The following NCOR2 variants were observed in gnomAD, a reference collection of about 807,000 sequenced individuals.
NCOR2 encodes CTG repeat protein 26.
In NCOR2, 81 loss-of-function variants were observed where a neutral mutation model predicts 262.9. That is an observed-to-expected ratio of 0.31 (90% CI 0.26 to 0.37). The LOEUF is 0.37. Among genes scored for constraint, NCOR2 ranks in the 10% least tolerant of loss-of-function variants. The pLI is 1.00. For missense variants in NCOR2, 3,385 were observed against 3,621.4 expected (o/e 0.93, Z 1.68); for synonymous variants, 1,659 against 1,559.3 (o/e 1.06, Z -1.51).
At chr12:124,540,483 G>A (rs1176324220), upstream of NCOR2, among the ~76,000 whole-genome samples, 2 of 17,456 alleles carry the variant, frequency 1.1e-4, no homozygotes, top group African/African-American at 6.8e-4. Flanking sequence ...AGGGGGATGG[G>A]GAGTGGAGCT....
intron 13 of NCOR2, among the ~76,000 whole-genome samples, chr12:124,409,010 C>A (rs981223665): frequency 6.6e-6 from 1 of 152,160 alleles, no homozygotes; most frequent in Non-Finnish European, 1.5e-5. Flanking sequence ...CCATGGCAAC[C>A]GGCACATGCT....
At chr12:124,479,388 C>T (rs926277190) in intron 3 of NCOR2, among the ~76,000 whole-genome samples, 1 of 152,008 alleles carries the variant, frequency 6.6e-6, no homozygotes, top group Admixed American at 6.5e-5. Flanking sequence ...CACACAAACA[C>T]GCATGGACAC....
intron 1 of NCOR2, among the ~76,000 whole-genome samples, chr12:124,546,328 C>T (rs2051542677): frequency 6.6e-6 from 1 of 152,210 alleles, no homozygotes. Flanking sequence ...TGCTTAGCCA[C>T]GGCAGCTTTC....
At chr12:124,427,358 T>C (rs1156615929) in intron 10 of NCOR2, among the ~76,000 whole-genome samples, 1 of 152,160 alleles carries the variant, frequency 6.6e-6, no homozygotes, top group Non-Finnish European at 1.5e-5. Context: ...TGCCCAGCCC[T>C]GCATGCGGCA....
chr12:124,446,338 A>T lies in NCOR2; in HGVS notation c.815+3477T>A, dbSNP rs1250617077. 2.6e-5 allele frequency among the ~76,000 whole-genome samples: 4 copies of T among 152,178 alleles called. No homozygotes were observed. In the East Asian group the frequency reaches 7.7e-4, roughly 29 times the overall value. On this transcript the variant is annotated intron_variant, in intron 7 of 46. Coordinates refer to ENST00000405201, the Ensembl canonical transcript of NCOR2. The stretch of plus-strand genomic sequence containing the variant: ...CACCAAAGTGAACTTTTAAAACAAA[A>T]GTCTGATCACATTGCTTCCTGGGAT...
intron 1 of NCOR2, chr12:124,529,823 G>A (rs549565799): frequency 1.3e-5 from 2 of 152,382 alleles, no homozygotes; most frequent in South Asian, 2.1e-4. Flanking sequence ...AGCAAGTGCT[G>A]ACAAGGATGG....
chr12:124,325,411 G>C, exon 47 of NCOR2: 1 of 592,656 alleles, frequency 1.7e-6, no homozygotes, highest in East Asian at 1.0e-4. Flanking sequence ...GTCACTCGCT[G>C]TCGGAGAGTG....
chr12:124,379,927 C>T (rs2040288842), intron 17 of NCOR2, among the ~76,000 whole-genome samples: 1 of 152,246 alleles, frequency 6.6e-6, no homozygotes, highest in Admixed American at 6.5e-5. Flanking sequence ...CCAGCAGTCG[C>T]TGGAAGACGG....
intron 1 of NCOR2, among the ~76,000 whole-genome samples, chr12:124,506,331 G>A (rs931141180): frequency 6.6e-6 from 1 of 151,574 alleles, no homozygotes; most frequent in East Asian, 2.0e-4. Context: ...TCAGTGAACA[G>A]AAAGGGAAGT....
At chr12:124,560,341 C>T (rs750563731) in intron 1 of NCOR2, among the ~76,000 whole-genome samples, 7 of 152,224 alleles carry the variant, frequency 4.6e-5, no homozygotes, top group Non-Finnish European at 7.3e-5. Flanking sequence ...GGCTGCATTC[C>T]AACAAAACTT....
intron 37 of NCOR2, 113 bp from the exon 40 acceptor site, chr12:124,337,293 A>G: frequency 1.6e-6 from 2 of 1,260,996 alleles, no homozygotes; most frequent in Non-Finnish European, 2.3e-6. Flanking sequence ...CTGCTCCCAG[A>G]GTGAAACTGC....
intron 13 of NCOR2, among the ~76,000 whole-genome samples, chr12:124,408,410 G>A (rs1027290112): frequency 6.6e-6 from 1 of 152,040 alleles, no homozygotes; most frequent in African/African-American, 2.4e-5. Context: ...GTGGCTACCA[G>A]CTCATGGCCA....
chr12:124,564,955 C>A (rs906958263), intron 1 of NCOR2, among the ~76,000 whole-genome samples: 2 of 151,642 alleles, frequency 1.3e-5, no homozygotes, highest in African/African-American at 2.4e-5. Flanking sequence ...CGTCCCCAGC[C>A]CAGGGCTTCC....
intron 1 of NCOR2, among the ~76,000 whole-genome samples, chr12:124,547,020 C>T (rs1053063172): frequency 2.6e-5 from 4 of 152,072 alleles, no homozygotes; most frequent in East Asian, 1.9e-4. Context: ...GATGGAGTCT[C>T]GCTCTGTCGC....
intron 16 of NCOR2, among the ~76,000 whole-genome samples, chr12:124,396,222 C>T (rs912941859): frequency 3.3e-5 from 5 of 152,098 alleles, no homozygotes; most frequent in Admixed American, 3.3e-4. Flanking sequence ...ATGGGATTTC[C>T]ATCTGGGGTG....
Position 124,479,872 on chromosome 12 carries a change from A to C in NCOR2, c.411+3724T>G, listed in dbSNP as rs374492235. Among the ~76,000 whole-genome samples the C allele has an allele frequency of 7.4e-4, 113 of 152,300 alleles. 3 individuals are homozygous for C. The highest frequency in any genetic ancestry group is 2.1e-3 in the African/African-American group (89 of 41,566). ...GCCTGGGCCTGAATCCCGTTCCCCC[A>C]CGTCCAGCTCGCTCAGCCTGGGGCC... On this transcript the variant is annotated intron_variant, in intron 3 of 46. Coordinates refer to ENST00000405201, the Ensembl canonical transcript of NCOR2.
intron 1 of NCOR2, among the ~76,000 whole-genome samples, chr12:124,558,572 C>T (rs1238973099): frequency 6.6e-6 from 1 of 152,164 alleles, no homozygotes; most frequent in Non-Finnish European, 1.5e-5. Context: ...GCTGGGACCA[C>T]GTCTCTCACT....
chr12:124,506,162 C>T (rs908582285), intron 1 of NCOR2, among the ~76,000 whole-genome samples: 1 of 152,156 alleles, frequency 6.6e-6, no homozygotes, highest in Non-Finnish European at 1.5e-5. Context: ...AGGCAGCAGA[C>T]GCTCCAGTTC....
intron 44 of NCOR2, chr12:124,328,734 C>T (rs2034913517): frequency 5.6e-6 from 1 of 177,358 alleles, no homozygotes; most frequent in African/African-American, 2.4e-5. Context: ...ACAAAGTGGT[C>T]AAATCGTCTT....
Sources: gnomAD v4.1 joint callset for allele counts (sites outside exome capture counted in the v4.1 genomes callset) on GRCh38, gnomAD v4.1.1 for gene constraint, MANE v1.5 for transcripts, NCBI Gene and HGNC (gene_info 2026-07-23, HGNC 2026-07-21) for gene names.